The following DOP1A variants were observed in gnomAD, a reference collection of about 807,000 sequenced individuals.
DOP1A encodes protein DOP1A.
DOP1A carries 90 observed loss-of-function variants against 267.6 expected under a neutral mutation model. That is an observed-to-expected ratio of 0.34 (90% CI 0.28 to 0.40). The LOEUF (loss-of-function observed/expected upper bound fraction) is 0.40, where lower values mean the gene tolerates loss of function less well. DOP1A is among the 10% of genes least tolerant of loss of function. DOP1A has a pLI of 1.00. For missense variants in DOP1A, 2,437 were observed against 2,900.4 expected (o/e 0.84, Z 3.67); for synonymous variants, 932 against 999.1 (o/e 0.93, Z 1.27).
In DOP1A at chr6:83,151,677, C is replaced by T; in HGVS notation, c.5904+18C>T. 6.3e-7 allele frequency: 1 copy of T among 1,587,638 alleles called. No individual in the cohort carries two copies. Among genetic ancestry groups the T allele is most frequent in the Non-Finnish European group, 8.5e-7 (1 of 1,172,058 alleles). ...ACCTTCAGGTAAGGCAGTCTAAGAGCTGTTGCCAAAACTGTTTCTCAGTGC... is the reference window on the plus strand; with the variant it reads ...ACCTTCAGGTAAGGCAGTCTAAGAGTTGTTGCCAAAACTGTTTCTCAGTGC... On this transcript the variant is annotated intron_variant, in intron 28 of 38. Coordinates refer to ENST00000349129, the MANE Select transcript of DOP1A (RefSeq NM_015018.4).
Position 83,159,889 on chromosome 6 carries a change from C to CG in DOP1A, c.6891_6892insG (p.Tyr2298ValfsTer17). ...ATAACAGCCAGCGGTGGTTAAACCT[C>CG]TATCTCTCTGCTTGCAAATTTTTGG... On this transcript the variant is annotated frameshift_variant, in exon 37 of 39. Transcript: ENST00000349129. LOFTEE classifies it high-confidence loss of function. 6.2e-7 allele frequency: 1 copy of CG among 1,614,100 alleles called. No individual in the cohort carries two copies. The highest frequency in any genetic ancestry group is 8.5e-7 in the Non-Finnish European group (1 of 1,180,014).
rs146814090 is a variant in DOP1A, at chr6:83,126,118, A to G, written c.1719+385A>G. On this transcript the variant is annotated intron_variant, in intron 15 of 38. Transcript: ENST00000349129. Reference sequence around the variant, plus strand: ...TACATGATTTTTTTGTACTCTCTTCAAGATCTAGTGTGCATTTTACACTTA... The same window carrying G: ...TACATGATTTTTTTGTACTCTCTTCGAGATCTAGTGTGCATTTTACACTTA... Among the ~76,000 whole-genome samples the G allele has an allele frequency of 1.1e-4, 16 of 150,894 alleles. No homozygotes were observed. The East Asian group carries it at 3.1e-3, about 29-fold the overall frequency.
At chr6:83,169,354 G>C (rs759898463), downstream of DOP1A, 1 of 1,611,686 alleles carries the variant, frequency 6.2e-7, no homozygotes, top group South Asian at 1.1e-5. Context: ...GATTAGATGA[G>C]AAAGACATAG....
intron 1 of DOP1A, among the ~76,000 whole-genome samples, chr6:83,084,577 TTTTTG>T (rs764482181): frequency 2.6e-5 from 4 of 152,180 alleles, no homozygotes; most frequent in Admixed American, 6.6e-5. Context: ...TAGTTTGTTT[TTTTTG>T]TTTTGTTTTG....
chr6:83,132,365 CCACA>C (rs3830927), intron 18 of DOP1A, 37 bp downstream of exon 18: 240 of 1,399,528 alleles, frequency 1.7e-4, no homozygotes, highest in South Asian at 2.5e-4. Flanking sequence ...GCCCCCTCCG[CCACA>C]CACACACACA....
At position 83,147,247 on chromosome 6, in the gene DOP1A, T is replaced by G; in HGVS notation, c.5688T>G (p.Ser1896=). Reference sequence around the variant, plus strand: ...TCTTTTATTTATAGAAACATCTTTCTTTGGAAGTCTGCATGCTTCAGTTTT... The same window carrying G: ...TCTTTTATTTATAGAAACATCTTTCGTTGGAAGTCTGCATGCTTCAGTTTT... The part of the protein sequence containing the change: ...PAIAKDKKHL[S]LEVCMLQFFY... The change falls in exon 26 of 39, where the codon TCT becomes TCG. Residue 1896 remains serine (S), a synonymous_variant. Transcript: ENST00000349129. The G allele has an allele frequency of 6.7e-6, 10 of 1,482,020 alleles. No individual in the cohort carries two copies. The highest frequency in any genetic ancestry group is 9.2e-6 in the Non-Finnish European group (10 of 1,082,538). The allele number at this position is 1,482,020 out of a possible 1,614,324, so 91.8% of individuals were successfully genotyped here.
chr6:83,117,439 G>C (rs752417943), intron 7 of DOP1A, among the ~76,000 whole-genome samples: 1 of 151,936 alleles, frequency 6.6e-6, no homozygotes, highest in Non-Finnish European at 1.5e-5. Context: ...TGTGAGTCAC[G>C]GTGCCCGGCC....
intron 1 of DOP1A, among the ~76,000 whole-genome samples, chr6:83,092,863 T>C (rs1770714315): frequency 1.3e-5 from 2 of 152,156 alleles, no homozygotes; most frequent in Admixed American, 6.5e-5. Flanking sequence ...GGGTTCACTT[T>C]GTTCTGCGAG....
At chr6:83,073,441 T>A (rs1245612677) in intron 1 of DOP1A, among the ~76,000 whole-genome samples, 1 of 152,150 alleles carries the variant, frequency 6.6e-6, no homozygotes, top group Non-Finnish European at 1.5e-5. Context: ...ATATGGCCTC[T>A]GACATTTTTT....
intron 17 of DOP1A, among the ~76,000 whole-genome samples, chr6:83,131,729 G>A (rs973949746): frequency 3.3e-5 from 5 of 151,728 alleles, no homozygotes; most frequent in Non-Finnish European, 7.4e-5. Flanking sequence ...TGCGCTTTTC[G>A]GGTTCAAGCA....
At position 83,138,795 on chromosome 6, in the gene DOP1A, G is replaced by A. The variant is rs1322256770; in HGVS notation, c.4753G>A (p.Val1585Met). The A allele has an allele frequency of 6.2e-7, 1 of 1,614,000 alleles. No individual in the cohort carries two copies. The highest frequency in any genetic ancestry group is 1.7e-5 in the Admixed American group (1 of 59,984). ...GSTLQSQLLK[V>M]LQRLIVLEHR... Reference sequence around the variant, plus strand: ...CACGTTGCAGTCACAACTTCTTAAGGTGCTTCAGAGGCTGATTGTTCTAGA... The same window carrying A: ...CACGTTGCAGTCACAACTTCTTAAGATGCTTCAGAGGCTGATTGTTCTAGA... Residue 1585 changes from valine (V) to methionine (M), a missense_variant, in exon 21 of 39, where the codon GTG (valine) becomes ATG (methionine). Physicochemically the swap from Val to Met is conservative, Grantham distance 21. Transcript: ENST00000349129.
At chr6:83,071,121 T>A (rs965128082) in intron 1 of DOP1A, among the ~76,000 whole-genome samples, 7 of 152,226 alleles carry the variant, frequency 4.6e-5, no homozygotes, top group Non-Finnish European at 7.3e-5. Context: ...AAAGTGAGAT[T>A]GGCAAGAATT....
chr6:83,095,394 T>C (rs1034951750), intron 1 of DOP1A, among the ~76,000 whole-genome samples: 1 of 151,730 alleles, frequency 6.6e-6, no homozygotes, highest in Non-Finnish European at 1.5e-5. Context: ...TTTGTTCTTT[T>C]GCACATGGGA....
chr6:83,068,945 A>G (rs537973066), intron 1 of DOP1A, among the ~76,000 whole-genome samples: 5 of 152,378 alleles, frequency 3.3e-5, no homozygotes, highest in Admixed American at 3.3e-4. Flanking sequence ...TTAGGTACCT[A>G]GTGCTGAAGG....
intron 1 of DOP1A, among the ~76,000 whole-genome samples, chr6:83,070,617 A>T (rs1281788828): frequency 1.3e-5 from 2 of 152,198 alleles, no homozygotes; most frequent in Admixed American, 1.3e-4. Context: ...TCTGTTTCTG[A>T]GTGTCTAAAT....
At chr6:83,155,850 C>G in intron 33 of DOP1A, 101 bp from the exon 34 acceptor site, 1 of 1,393,620 alleles carries the variant, frequency 7.2e-7, no homozygotes, top group Admixed American at 2.4e-5. Context: ...CCAAGCTCCT[C>G]TCAGTTTTGG....
intron 1 of DOP1A, among the ~76,000 whole-genome samples, chr6:83,077,102 T>C (rs999629542): frequency 4.6e-5 from 7 of 152,204 alleles, no homozygotes; most frequent in Admixed American, 3.9e-4. Context: ...GAATTGTTGT[T>C]TAATGGGTAT....
In DOP1A at chr6:83,108,961, A is replaced by G. The variant is rs200603208; in HGVS notation, c.372A>G (p.Thr124=). 3.3e-5 allele frequency: 53 copies of G among 1,613,734 alleles called. No individual in the cohort carries two copies. The highest frequency in any genetic ancestry group is 4.3e-5 in the Non-Finnish European group (51 of 1,179,832). The stretch of plus-strand genomic sequence containing the variant: ...ATGCTGCCATGTCTGTGAAACCAAC[A>G]TTGCTCAGTTTGTATGAGATATATT... ...LANAAMSVKP[T]LLSLYEIYYL... The change falls in exon 5 of 39, where the codon ACA becomes ACG. Residue 124 remains threonine (T), a synonymous_variant. Coordinates refer to ENST00000349129, the MANE Select transcript of DOP1A (RefSeq NM_015018.4).
chr6:83,126,292 G>GA (rs1452284406), intron 15 of DOP1A, among the ~76,000 whole-genome samples: 2 of 151,882 alleles, frequency 1.3e-5, no homozygotes, highest in African/African-American at 4.8e-5. Flanking sequence ...TCAATCAGAG[G>GA]AAAGCATGCC....
Sources: allele counts gnomAD v4.1 joint callset (sites outside exome capture counted in the v4.1 genomes callset), GRCh38; gene constraint gnomAD v4.1.1; transcripts MANE v1.5; gene names NCBI Gene and HGNC (gene_info 2026-07-23, HGNC 2026-07-21).